Variants in CDK18 observed in about 807,000 individuals in gnomAD.
CDK18 encodes cyclin-dependent kinase 18.
Under a neutral mutation model 62.0 loss-of-function variants are expected in CDK18, and 52 were observed. The ratio of observed to expected loss-of-function variants is 0.84; its 90% CI spans 0.67 to 1.06. CDK18 has a LOEUF of 1.06. Among genes scored for constraint, CDK18 ranks in the 50% least tolerant of loss-of-function variants. The pLI, the probability that CDK18 is intolerant of heterozygous loss-of-function variation, is 0.00. For missense variants in CDK18, 604 were observed against 619.9 expected (o/e 0.97, Z 0.27); for synonymous variants, 237 against 247.0 (o/e 0.96, Z 0.38).
intron 3 of CDK18, 99 bp downstream of exon 3, chr1:205,523,724 A>G: frequency 3.5e-6 from 5 of 1,410,394 alleles, no homozygotes; most frequent in Non-Finnish European, 4.8e-6. Context: ...TTGTGAGTTC[A>G]AATTCCACCT....
chr1:205,529,530 G>C lies in CDK18; in HGVS notation c.1188G>C (p.Thr396=), dbSNP rs781572002. Residue 396 remains threonine, a synonymous_variant, in exon 13 of 16, where the codon ACG becomes ACC. Coordinates refer to ENST00000429964, the MANE Select transcript of CDK18 (RefSeq NM_212502.3). ...PLINHAPRLD[T]DGIHLLSSLL... is the part of the protein sequence containing the mutation. ...CGCCTTCTCCTTGCAGGTTGGATACGGATGGCATCCACCTCCTGAGCAGCC... is the reference window on the plus strand; with the variant it reads ...CGCCTTCTCCTTGCAGGTTGGATACCGATGGCATCCACCTCCTGAGCAGCC... 2 of 1,611,842 alleles carry C rather than the reference G, an allele frequency of 1.2e-6. No individual in the cohort carries two copies. Among genetic ancestry groups the C allele is most frequent in the Admixed American group, 3.3e-5 (2 of 59,846 alleles).
At position 205,531,578 on chromosome 1, in the gene CDK18, T is replaced by G; in HGVS notation, c.*200T>G. ...GCCTCCCCAGTAGCCCTCACCTGCA[T>G]ACCAACCCCTCCTTTACCCACGTTG... On this transcript the variant is annotated 3_prime_UTR_variant, in exon 16 of 16. Transcript: ENST00000429964. The G allele has an allele frequency of 1.7e-6, 1 of 598,654 alleles. No homozygotes were observed. Among genetic ancestry groups the G allele is most frequent in the Non-Finnish European group, 3.1e-6 (1 of 325,590 alleles). 37.1% of individuals were successfully genotyped at this position (598,654 alleles called of 1,614,324 possible).
intron 1 of CDK18, among the ~76,000 whole-genome samples, chr1:205,510,671 A>G (rs1164696355): frequency 2.6e-5 from 4 of 152,242 alleles, no homozygotes. Context: ...CCAACCCTGC[A>G]CAAAGTCAGA....
rs1320308906 is a variant in CDK18, at chr1:205,526,606, G to T, written c.666+145G>T. 1.6e-5 allele frequency: 15 copies of T among 930,826 alleles called. No homozygotes were observed. The South Asian group carries it at 1.9e-4, about 12-fold the overall frequency. 57.7% of individuals were successfully genotyped at this position (930,826 alleles called of 1,614,324 possible). ...TGGAATCAGATTTTCAGATGCTCCC[G>T]TGCAGGAGTGGGCCAAGAGCTCAGG... On this transcript the variant is annotated intron_variant, in intron 7 of 15. Transcript: ENST00000429964.
In CDK18 at chr1:205,525,165, A is replaced by AACATACGTGAAACTGGAC; in HGVS notation, c.428_445dup (p.Thr143_Asp148dup). 1 of 1,609,970 alleles carries AACATACGTGAAACTGGAC rather than the reference A, an allele frequency of 6.2e-7. No individual in the cohort carries two copies. The highest frequency in any genetic ancestry group is 8.5e-7 in the Non-Finnish European group (1 of 1,176,928). On this transcript the variant is annotated inframe_insertion, in exon 5 of 16. Transcript: ENST00000429964. ...CAGACATTGGCTTTGGGAAACTGGA[A>AACATACGTGAAACTGGAC]ACATACGTGAAACTGGACAAACTGG...
At chr1:205,515,840 G>A (rs1200081206) in intron 1 of CDK18, among the ~76,000 whole-genome samples, 1 of 152,170 alleles carries the variant, frequency 6.6e-6, no homozygotes, top group Non-Finnish European at 1.5e-5. Context: ...CTCCCGGAAG[G>A]CCTTCCCCGC....
intron 1 of CDK18, among the ~76,000 whole-genome samples, chr1:205,505,123 A>C (rs983621600): frequency 2.0e-5 from 3 of 152,096 alleles, no homozygotes; most frequent in Non-Finnish European, 4.4e-5. Context: ...ATCTGGGATC[A>C]CTTTGGCCCC....
intron 1 of CDK18, among the ~76,000 whole-genome samples, chr1:205,505,580 G>T (rs12146108): frequency 6.6e-6 from 1 of 152,206 alleles, no homozygotes; most frequent in Non-Finnish European, 1.5e-5. Context: ...TGTGCCTTGA[G>T]GATTCTGCTG....
chr1:205,505,668 G>T (rs76094036), intron 1 of CDK18, among the ~76,000 whole-genome samples: 5,948 of 152,222 alleles, frequency 0.039, 196 homozygotes, highest in Middle Eastern at 0.11. Context: ...CCCTGTGGGG[G>T]GCGGGGATTC....
chr1:205,529,111 G>A lies in CDK18; in HGVS notation c.1072+15G>A, dbSNP rs780214984. ...TCGCCTCCTCGGTCAGTCTCCCGCT[G>A]CTCCGTCCCTCTCACCACCAGGGGG... On this transcript the variant is annotated intron_variant, in intron 11 of 15. Coordinates refer to ENST00000429964, the MANE Select transcript of CDK18 (RefSeq NM_212502.3). 3 of 1,558,112 alleles carry A rather than the reference G, an allele frequency of 1.9e-6. No homozygotes were observed. The highest frequency in any genetic ancestry group is 2.7e-5 in the African/African-American group (2 of 73,702).
In CDK18 at chr1:205,523,678, G is replaced by T. The variant is rs1020192938; in HGVS notation, c.273+53G>T. The T allele has an allele frequency of 5.2e-6, 8 of 1,527,148 alleles. No individual in the cohort carries two copies. The African/African-American group carries it at 1.1e-4, about 21-fold the overall frequency. The allele number at this position is 1,527,148 out of a possible 1,614,324, so 94.6% of individuals were successfully genotyped here. A position where few individuals can be genotyped will look rare whatever the true frequency, so the allele number is the denominator to read the frequency against. On this transcript the variant is annotated intron_variant, in intron 3 of 15. Transcript: ENST00000429964. ...CAGGTGGCAGGATGCACGCACAAGG[G>T]TGTGCACAGGAGGGCAGCTGCCTTA...
intron 5 of CDK18, among the ~76,000 whole-genome samples, chr1:205,525,499 A>T (rs2102310789): frequency 6.6e-6 from 1 of 152,094 alleles, no homozygotes; most frequent in African/African-American, 2.4e-5. Flanking sequence ...ACCATTTACT[A>T]GCTCTGTGAC....
chr1:205,524,553 G>A lies in CDK18; in HGVS notation c.399+196G>A, dbSNP rs550717285. On this transcript the variant is annotated intron_variant, in intron 4 of 15. Transcript: ENST00000429964. ...CCATTTCCTAGATGGGTCTCACTTG[G>A]GCTGGAATGGGACTCTAAGCCCACA... 2.6e-5 allele frequency among the ~76,000 whole-genome samples: 4 copies of A among 152,198 alleles called. 1 individual carries two copies. Among genetic ancestry groups the A allele is most frequent in the Non-Finnish European group, 4.4e-5 (3 of 68,034 alleles).
At chr1:205,515,237 C>T (rs1429149564) in intron 1 of CDK18, among the ~76,000 whole-genome samples, 2 of 136,394 alleles carry the variant, frequency 1.5e-5, no homozygotes, top group African/African-American at 2.8e-5. Context: ...AGTGCAGTGG[C>T]GCCATTTCGG....
chr1:205,519,548 C>T (rs1668009626), intron 1 of CDK18, among the ~76,000 whole-genome samples: 1 of 151,200 alleles, frequency 6.6e-6, no homozygotes, highest in Admixed American at 6.6e-5. Context: ...CCTTCTGCTG[C>T]TGTGACAGCC....
intron 1 of CDK18, among the ~76,000 whole-genome samples, chr1:205,519,267 A>C (rs186027934): frequency 2.0e-4 from 31 of 152,252 alleles, no homozygotes; most frequent in African/African-American, 7.2e-4. Context: ...AAAATGACAG[A>C]GGCATCTTGT....
intron 6 of CDK18, 79 bp downstream of exon 6, chr1:205,526,258 G>A: frequency 6.7e-7 from 1 of 1,490,534 alleles, no homozygotes. Context: ...TGTGGGAGCT[G>A]GGGGTAGAGG....
chr1:205,514,132 A>G lies in CDK18; in HGVS notation c.-21-9015A>G, dbSNP rs530816233. On this transcript the variant is annotated intron_variant, in intron 1 of 15. Coordinates refer to ENST00000429964, the MANE Select transcript of CDK18 (RefSeq NM_212502.3). ...CAAACTAGGGAAATGACAAGTAAAC[A>G]GTTACAGGACAGGGAGCCAAGTGCC... Among the ~76,000 whole-genome samples the G allele has an allele frequency of 1.8e-4, 27 of 152,370 alleles. No homozygotes were observed. The South Asian group carries it at 4.8e-3, about 27-fold the overall frequency.
Position 205,527,071 on chromosome 1 carries a change from T to G in CDK18, c.729+234T>G. ...GTCTAGCTGTTGGTATAAAACCCACTCTCAACTCTGAACATCAGTTTCCCA... is the reference window on the plus strand; with the variant it reads ...GTCTAGCTGTTGGTATAAAACCCACGCTCAACTCTGAACATCAGTTTCCCA... On this transcript the variant is annotated intron_variant, in intron 8 of 15. Coordinates refer to ENST00000429964, the MANE Select transcript of CDK18 (RefSeq NM_212502.3). This position sits in a 1 kb window ranked among gnomAD's most constrained non-coding sequence, Gnocchi z 4.1. 1 of 533,500 alleles carries G rather than the reference T, an allele frequency of 1.9e-6. No homozygotes were observed. The highest frequency in any genetic ancestry group is 3.0e-5 in the East Asian group (1 of 33,544). 33.0% of individuals were successfully genotyped at this position (533,500 alleles called of 1,614,324 possible).
Sources: allele counts gnomAD v4.1 joint callset (sites outside exome capture counted in the v4.1 genomes callset), GRCh38; gene constraint gnomAD v4.1.1; non-coding constraint Gnocchi (gnomAD v3.1); transcripts MANE v1.5; gene names NCBI Gene and HGNC (gene_info 2026-07-23, HGNC 2026-07-21).